Variants in HS6ST2 observed in about 807,000 individuals in gnomAD.
HS6ST2 encodes heparan-sulfate 6-O-sulfotransferase 2.
HS6ST2 carries 17 observed loss-of-function variants against 33.0 expected under a neutral mutation model. The observed-to-expected ratio is 0.52, with a 90% CI of 0.35 to 0.77. The LOEUF is 0.77. Among genes scored for constraint, HS6ST2 ranks in the 30% least tolerant of loss-of-function variants. HS6ST2 has a pLI of 0.01. For synonymous variants in HS6ST2, 248 were observed against 237.1 expected, an observed-to-expected ratio of 1.05 and a Z score of -0.42; for missense variants, 519 against 551.7, an observed-to-expected ratio of 0.94 and a Z score of 0.59.
chrX:132,886,138 T>G (rs2066249443), intron 2 of HS6ST2, among the ~76,000 whole-genome samples: 1 of 111,921 alleles, frequency 8.9e-6, no homozygotes, highest in Admixed American at 9.5e-5. Flanking sequence ...TCAAAAGACC[T>G]CTTATAAATA....
chrX:132,806,197 A>G (rs1191887487), intron 2 of HS6ST2, among the ~76,000 whole-genome samples: 1 of 110,475 alleles, frequency 9.1e-6, no homozygotes, highest in African/African-American at 3.3e-5. Flanking sequence ...GTACTGATAG[A>G]GGAAAAGAAA....
intron 2 of HS6ST2, among the ~76,000 whole-genome samples, chrX:132,750,775 A>G (rs1329032963): frequency 1.8e-5 from 2 of 112,549 alleles, no homozygotes; most frequent in African/African-American, 3.2e-5. Flanking sequence ...AAATTACACC[A>G]TTAGTACACC....
At chrX:132,870,214 T>A (rs186219961) in intron 2 of HS6ST2, among the ~76,000 whole-genome samples, 4,621 of 111,191 alleles carry the variant, frequency 0.042, 117 homozygotes, top group Non-Finnish European at 0.061. Flanking sequence ...TTATAAGGGA[T>A]GTGAAGGACC....
intron 2 of HS6ST2, among the ~76,000 whole-genome samples, chrX:132,888,207 G>A (rs746776498): frequency 2.7e-5 from 3 of 111,260 alleles, no homozygotes; most frequent in Non-Finnish European, 3.8e-5. Flanking sequence ...AGACATTCCC[G>A]AGACTGGGTA....
At chrX:132,634,877 T>C (rs183103) in intron 4 of HS6ST2, among the ~76,000 whole-genome samples, 53,265 of 109,966 alleles carry the variant, frequency 0.48, 12,119 homozygotes, top group African/African-American at 0.9. Context: ...TTTTGGGGTC[T>C]CTCAGCTATG....
At chrX:132,855,273 T>A in intron 2 of HS6ST2, among the ~76,000 whole-genome samples, 1 of 112,280 alleles carries the variant, frequency 8.9e-6, no homozygotes, top group East Asian at 2.8e-4. Flanking sequence ...GTGCCAAACA[T>A]CACACCAGTG....
chrX:132,813,928 C>A (rs1014034649), intron 2 of HS6ST2, among the ~76,000 whole-genome samples: 9 of 110,911 alleles, frequency 8.1e-5, no homozygotes, highest in Non-Finnish European at 1.7e-4. Context: ...TGTTCAAGAA[C>A]ATTTATTTAA....
At position 132,787,230 on chromosome X, in the gene HS6ST2, C is replaced by CAT. The variant is rs1393433756; in HGVS notation, c.948-78738_948-78737dup. Among the ~76,000 whole-genome samples the CAT allele has an allele frequency of 1.8e-3, 143 of 79,082 alleles. 2 individuals are homozygous for CAT. The highest frequency in any genetic ancestry group is 6.6e-3 in the African/African-American group (134 of 20,209). 68.7% of individuals were successfully genotyped at this position (79,082 alleles called of 115,157 possible). On this transcript the variant is annotated intron_variant, in intron 2 of 4. Transcript: ENST00000370833. ...ATATATATACACATATATATATACA[C>CAT]ATATATATACATATATGTATATATA...
At chrX:132,787,289 T>C (rs1602675692) in intron 2 of HS6ST2, among the ~76,000 whole-genome samples, 1 of 92,322 alleles carries the variant, frequency 1.1e-5, no homozygotes, top group Admixed American at 1.3e-4. Flanking sequence ...TATATTTATA[T>C]AATATATATA....
chrX:132,911,625 G>A (rs761359944), intron 2 of HS6ST2, among the ~76,000 whole-genome samples: 6 of 107,340 alleles, frequency 5.6e-5, no homozygotes, highest in South Asian at 4.1e-4. Flanking sequence ...GCTGCCTTTC[G>A]TGAGCACACA....
chrX:132,713,974 T>C (rs149129436), intron 2 of HS6ST2, among the ~76,000 whole-genome samples: 1,504 of 111,953 alleles, frequency 0.013, 29 homozygotes, highest in African/African-American at 0.047. Context: ...AAACAGGACA[T>C]ATTTTTGATA....
chrX:132,954,577 T>C (rs1207968382), intron 2 of HS6ST2, among the ~76,000 whole-genome samples: 2 of 112,196 alleles, frequency 1.8e-5, no homozygotes, highest in Admixed American at 1.9e-4. Context: ...AGAGAAATTC[T>C]GGAACCCCTA....
At chrX:132,644,168 C>T (rs1037659651) in intron 4 of HS6ST2, among the ~76,000 whole-genome samples, 18 of 93,900 alleles carry the variant, frequency 1.9e-4, no homozygotes, top group Non-Finnish European at 3.7e-4. Flanking sequence ...TGGGAAGGAG[C>T]GAGGGAGAGA....
intron 2 of HS6ST2, chrX:132,808,631 G>A (rs2065309979): frequency 8.9e-6 from 1 of 112,352 alleles, no homozygotes; most frequent in African/African-American, 3.2e-5. Context: ...CTAGAATAAG[G>A]AAGACAAAAA....
intron 2 of HS6ST2, among the ~76,000 whole-genome samples, chrX:132,755,772 G>A (rs141095487): frequency 0.013 from 1,484 of 111,681 alleles, 11 homozygotes; most frequent in Non-Finnish European, 0.021. Flanking sequence ...CCATGATCGC[G>A]CCTATGAATA....
chrX:132,699,151 T>C (rs1355463789), intron 3 of HS6ST2, among the ~76,000 whole-genome samples: 1 of 111,248 alleles, frequency 9.0e-6, no homozygotes, highest in Admixed American at 9.6e-5. Flanking sequence ...AGACATAAAA[T>C]ACCTCCTGCA....
At chrX:132,913,987 TC>T (rs2066560308) in intron 2 of HS6ST2, among the ~76,000 whole-genome samples, 2 of 111,792 alleles carry the variant, frequency 1.8e-5, no homozygotes, top group Admixed American at 1.9e-4. Context: ...CCTCTCCTGC[TC>T]CCTCAGGCTT....
intron 2 of HS6ST2, among the ~76,000 whole-genome samples, chrX:132,935,484 C>T (rs1271092904): frequency 8.9e-6 from 1 of 112,042 alleles, no homozygotes; most frequent in Non-Finnish European, 1.9e-5. Context: ...CCACCTCAGC[C>T]TCCAGAGTAG....
In HS6ST2 at chrX:132,839,684, C is replaced by T. The variant is rs371981623; in HGVS notation, c.947+117124G>A. 4.4e-4 allele frequency among the ~76,000 whole-genome samples: 48 copies of T among 110,242 alleles called. No individual in the cohort carries two copies. The South Asian group carries it at 0.011, about 26-fold the overall frequency. ...ATGTAACAAAACTGCACTTGTAAAC[C>T]TTAAATTTATACACATAAAAAAAAG... On this transcript the variant is annotated intron_variant, in intron 2 of 4. Transcript: ENST00000370833.
Sources: gnomAD v4.1 joint callset for allele counts (sites outside exome capture counted in the v4.1 genomes callset) on GRCh38, gnomAD v4.1.1 for gene constraint, MANE v1.5 for transcripts, NCBI Gene and HGNC (gene_info 2026-07-23, HGNC 2026-07-21) for gene names.